NFIC: variants seen among roughly 807,000 people sequenced by gnomAD.
NFIC encodes the protein nuclear factor I C.
Under a neutral mutation model 54.4 loss-of-function variants are expected in NFIC, and 12 were observed. That is an observed-to-expected ratio of 0.22 (90% confidence interval 0.14 to 0.36). The LOEUF (loss-of-function observed/expected upper bound fraction) is 0.36. NFIC is among the 10% of genes least tolerant of loss of function. The pLI is 1.00. For synonymous variants in NFIC, 322 were observed against 319.2 expected (o/e 1.01, Z -0.09); for missense variants, 575 against 718.2 (o/e 0.80, Z 2.28).
At chr19:3,423,451 G>A (rs938120341) in intron 2 of NFIC, among the ~76,000 whole-genome samples, 6 of 152,076 alleles carry the variant, frequency 3.9e-5, no homozygotes, top group East Asian at 1.9e-4. Flanking sequence ...CAGGAGGGGC[G>A]TGATTCTCTT....
intron 2 of NFIC, among the ~76,000 whole-genome samples, chr19:3,385,832 A>G (rs1282171405): frequency 1.3e-5 from 2 of 151,554 alleles, no homozygotes; most frequent in Non-Finnish European, 2.9e-5. Flanking sequence ...TCGGCCTCCC[A>G]AAGTGCTGGG....
intron 2 of NFIC, among the ~76,000 whole-genome samples, chr19:3,383,189 G>C (rs2081241272): frequency 6.6e-6 from 1 of 152,130 alleles, no homozygotes; most frequent in Non-Finnish European, 1.5e-5. Flanking sequence ...CTTGTTGGTT[G>C]ATTGACTCTC....
At chr19:3,380,628 C>CTTT (rs1159916071) in intron 1 of NFIC, among the ~76,000 whole-genome samples, 234 of 96,098 alleles carry the variant, frequency 2.4e-3, no homozygotes, top group Middle Eastern at 0.011. Context: ...TGCGCCCAGG[C>CTTT]TTTTTTTTTT....
intron 2 of NFIC, among the ~76,000 whole-genome samples, chr19:3,393,257 C>T (rs1003071104): frequency 2.1e-4 from 32 of 152,132 alleles, no homozygotes; most frequent in African/African-American, 6.8e-4. Flanking sequence ...TTGGCTGTTC[C>T]ACGGCCACCT....
At chr19:3,388,384 C>T (rs1175569285) in intron 2 of NFIC, among the ~76,000 whole-genome samples, 1 of 152,142 alleles carries the variant, frequency 6.6e-6, no homozygotes, top group Admixed American at 6.5e-5. Context: ...AATTCTCTCC[C>T]CCATCCAAGC....
Position 3,461,681 on chromosome 19 carries a change from C to T in NFIC, c.1510-1071C>T, listed in dbSNP as rs550999306. Among the ~76,000 whole-genome samples the T allele has an allele frequency of 9.0e-4, 137 of 152,144 alleles. 2 individuals carry two copies. The highest frequency in any genetic ancestry group is 1.3e-3 in the Non-Finnish European group (87 of 68,012). On this transcript the variant is annotated intron_variant, in intron 10 of 10. Coordinates refer to ENST00000443272, the MANE Select transcript of NFIC (RefSeq NM_001245002.2). ...GAGGTTGTAGAGAGCCAAGATCACACCACTGCATTCCAGCCTGGGCAACAG... is the reference window on the plus strand; with the variant it reads ...GAGGTTGTAGAGAGCCAAGATCACATCACTGCATTCCAGCCTGGGCAACAG...
chr19:3,400,634 A>G (rs1256727355), intron 2 of NFIC, among the ~76,000 whole-genome samples: 2 of 152,196 alleles, frequency 1.3e-5, no homozygotes, highest in African/African-American at 4.8e-5. Flanking sequence ...TGAGGTCAGG[A>G]GTTCAAGACC....
intron 2 of NFIC, among the ~76,000 whole-genome samples, chr19:3,393,901 A>G (rs563158145): frequency 2.6e-5 from 4 of 151,730 alleles, no homozygotes; most frequent in South Asian, 2.1e-4. Flanking sequence ...TGTAAATTTA[A>G]GTATACTGGG....
In NFIC at chr19:3,434,358, G is replaced by A; in HGVS notation, c.791G>A (p.Ser264Asn). Residue 264 changes from serine (S) to asparagine (N), a missense_variant, in exon 5 of 11, where the codon AGC (serine) becomes AAC (asparagine). Ser to Asn is a conservative substitution (Grantham distance 46). Coordinates refer to ENST00000443272, the MANE Select transcript of NFIC (RefSeq NM_001245002.2). Reference sequence around the variant, plus strand: ...CTGGCATACGACCTGAACCCAGCCAGCACTGGCCTCAGAAGAACGCTGCCC... The same window carrying A: ...CTGGCATACGACCTGAACCCAGCCAACACTGGCCTCAGAAGAACGCTGCCC... ...GHLAYDLNPASTGLRRTLPST... is the reference protein window; with the variant it reads ...GHLAYDLNPANTGLRRTLPST... The A allele has an allele frequency of 6.2e-7, 1 of 1,613,278 alleles. No homozygotes were observed. Among genetic ancestry groups the A allele is most frequent in the Non-Finnish European group, 8.5e-7 (1 of 1,179,780 alleles).
At chr19:3,397,673 TGGCGGCAACGG>T (rs11269591) in intron 2 of NFIC, among the ~76,000 whole-genome samples, 62,600 of 151,810 alleles carry the variant, frequency 0.41, 15,566 homozygotes, top group Non-Finnish European at 0.56. Flanking sequence ...TGCCCGGAGG[TGGCGGCAACGG>T]GGCAGCTGAA....
intron 2 of NFIC, among the ~76,000 whole-genome samples, chr19:3,405,790 C>T (rs1317468163): frequency 2.6e-5 from 4 of 151,864 alleles, no homozygotes; most frequent in Admixed American, 2.6e-4. Flanking sequence ...TTAGTAGAGA[C>T]AGGGGTCTCA....
Position 3,375,025 on chromosome 19 carries a change from A to G in NFIC, c.31-6687A>G, listed in dbSNP as rs2081081249. ...GGCACAGAGAAGGGGAGGAACATAG[A>G]GAAGGGAGGGACAGTTAGGGAGGAG... On this transcript the variant is annotated intron_variant, in intron 1 of 10. Transcript: ENST00000443272. This position sits in a 1 kb window ranked among gnomAD's most constrained non-coding sequence, Gnocchi z 4.6. Among the ~76,000 whole-genome samples, 1 of 151,148 alleles carries G rather than the reference A, an allele frequency of 6.6e-6. No homozygotes were observed. Among genetic ancestry groups the G allele is most frequent in the Non-Finnish European group, 1.5e-5 (1 of 67,800 alleles).
intron 2 of NFIC, among the ~76,000 whole-genome samples, chr19:3,409,229 C>T (rs934197486): frequency 1.3e-5 from 2 of 152,170 alleles, no homozygotes; most frequent in Admixed American, 6.5e-5. Flanking sequence ...CATCCAACTT[C>T]ATTCCTGCCC....
rs1344523108 is a variant in NFIC, at chr19:3,369,027, C to G, written c.30+2361C>G. 6.6e-6 allele frequency among the ~76,000 whole-genome samples: 1 copy of G among 151,912 alleles called. No homozygotes were observed. The highest frequency in any genetic ancestry group is 1.5e-5 in the Non-Finnish European group (1 of 68,000). ...AGTCACTGTTGGTCTCTTTGTGTCT[C>G]TCTTTCTCATCCTCTGTCTCTCTGA... On this transcript the variant is annotated intron_variant, in intron 1 of 10. Coordinates refer to ENST00000443272, the MANE Select transcript of NFIC (RefSeq NM_001245002.2). This position sits in a 1 kb window ranked among gnomAD's most constrained non-coding sequence, Gnocchi z 4.3.
rs376511703 is a variant in NFIC at position 3,456,582 on chromosome 19, C to T, written c.1456C>T (p.Arg486Cys). ...YSPPDTSPAN[R>C]SFVGLGPRDP... ...TCCGCCCGACACGTCCCCTGCAAAC[C>T]GTTCCTTTGTGGGATTAGGACCAAG... Residue 486 changes from arginine (R) to cysteine (C), a missense_variant, in exon 10 of 11, where the codon CGT (arginine) becomes TGT (cysteine). This residue lies in a region of NFIC where 447 missense variants were observed against 526.9 expected (regional missense o/e 0.85). Transcript: ENST00000443272. The T allele has an allele frequency of 1.3e-6, 2 of 1,550,678 alleles. No homozygotes were observed. Among genetic ancestry groups the T allele is most frequent in the Non-Finnish European group, 1.7e-6 (2 of 1,146,082 alleles).
chr19:3,366,760 C>A, intron 1 of NFIC, 94 bp downstream of exon 1: 1 of 898,752 alleles, frequency 1.1e-6, no homozygotes, highest in African/African-American at 1.8e-5. Flanking sequence ...ACGAAAAAGG[C>A]GCGCGTCCCT....
intron 2 of NFIC, among the ~76,000 whole-genome samples, chr19:3,402,957 G>C (rs1050710465): frequency 6.6e-6 from 1 of 152,116 alleles, no homozygotes; most frequent in Non-Finnish European, 1.5e-5. Flanking sequence ...CCTCCACTTT[G>C]ACTACTCCCC....
intron 1 of NFIC, among the ~76,000 whole-genome samples, chr19:3,361,284 G>A (rs1338397022): frequency 1.3e-5 from 2 of 152,166 alleles, no homozygotes; most frequent in Non-Finnish European, 2.9e-5. Context: ...GGCCGTGGAA[G>A]TCCCGAGGGG....
At chr19:3,419,855 G>A (rs1170801770) in intron 2 of NFIC, among the ~76,000 whole-genome samples, 2 of 151,584 alleles carry the variant, frequency 1.3e-5, no homozygotes, top group Non-Finnish European at 2.9e-5. Context: ...AGGACTATAG[G>A]AAAAGAAGAA....
Sources: allele counts gnomAD v4.1 joint callset (sites outside exome capture counted in the v4.1 genomes callset), GRCh38; gene constraint gnomAD v4.1.1; regional missense constraint gnomAD v4.1.1; non-coding constraint Gnocchi (gnomAD v3.1); transcripts MANE v1.5; gene names NCBI Gene and HGNC (gene_info 2026-07-23, HGNC 2026-07-21).